SH3YL1: variants seen among roughly 807,000 people sequenced by gnomAD.
SH3YL1 encodes the protein SH3 and SYLF domain containing 1, also known as SH3 domain-containing YSC84-like protein 1.
In SH3YL1, 41 loss-of-function variants were observed where a neutral mutation model predicts 45.8. That is an observed-to-expected ratio of 0.89 (90% CI 0.70 to 1.16). The LOEUF is 1.16. Ranked by LOEUF, SH3YL1 falls within the 50% of genes most tolerant of loss-of-function variation. The probability of loss-of-function intolerance (pLI) is 0.00; values close to 1 mark genes in which losing one functional copy is unlikely to be tolerated. For missense variants in SH3YL1, 389 were observed against 409.6 expected (o/e 0.95, Z 0.43); for synonymous variants, 152 against 151.4 (o/e 1.00, Z -0.03).
At chr2:245,782 A>G (rs1668771334) in intron 4 of SH3YL1, among the ~76,000 whole-genome samples, 1 of 152,322 alleles carries the variant, frequency 6.6e-6, no homozygotes, top group Non-Finnish European at 1.5e-5. Flanking sequence ...TTATTTTGTC[A>G]AAAATATGAA....
intron 6 of SH3YL1, among the ~76,000 whole-genome samples, chr2:231,644 T>C (rs958434827): frequency 1.3e-5 from 2 of 152,238 alleles, no homozygotes; most frequent in Non-Finnish European, 2.9e-5. Flanking sequence ...AAATAAACAT[T>C]TGCCTTACAT....
intron 9 of SH3YL1, among the ~76,000 whole-genome samples, chr2:223,867 G>A (rs1667683437): frequency 6.6e-6 from 1 of 152,170 alleles, no homozygotes; most frequent in Non-Finnish European, 1.5e-5. Context: ...AAACATCTGG[G>A]AAAAACACTG....
upstream of SH3YL1, chr2:264,348 C>T (rs535204887): frequency 2.2e-3 from 581 of 266,912 alleles, 4 homozygotes; most frequent in African/African-American, 0.012. Context: ...CCGCGTGACC[C>T]GCCCAGCCCC....
chr2:249,844 G>C lies in SH3YL1; in HGVS notation c.113C>G (p.Ala38Gly). ...SRNGPDKIIP[A>G]HVIAKAKGLA... ...GCCTTTAGCCTTCGCAATTACGTGA[G>C]CTGTTAACGTGGAAAACAATGGGAA... The change falls in exon 3 of 10, where the codon GCT (alanine) becomes GGT (glycine). Residue 38 changes from alanine (A) to glycine (G), a missense_variant and splice_region_variant. By Grantham distance (60) the Ala-to-Gly change is moderately conservative. Transcript: ENST00000356150. 6.5e-7 allele frequency: 1 copy of C among 1,548,040 alleles called. No homozygotes were observed. Among genetic ancestry groups the C allele is most frequent in the Non-Finnish European group, 8.7e-7 (1 of 1,143,304 alleles).
intron 4 of SH3YL1, chr2:242,815 A>G: frequency 6.5e-7 from 1 of 1,534,870 alleles, no homozygotes; most frequent in Non-Finnish European, 8.8e-7. Flanking sequence ...TTGACAGTAA[A>G]AGGATGGAGA....
At chr2:256,626 G>C (rs1315534201) in intron 1 of SH3YL1, 1 of 152,240 alleles carries the variant, frequency 6.6e-6, no homozygotes, top group Non-Finnish European at 1.5e-5. Flanking sequence ...CTGGAAGGTG[G>C]AGGTTGCAGT....
chr2:222,032 T>C (rs973636939), intron 9 of SH3YL1, among the ~76,000 whole-genome samples: 6 of 152,304 alleles, frequency 3.9e-5, no homozygotes, highest in African/African-American at 1.4e-4. Flanking sequence ...AAAACCTTCC[T>C]GGTTACCGGG....
chr2:235,237 C>A (rs1424424367), intron 4 of SH3YL1, among the ~76,000 whole-genome samples: 3 of 152,270 alleles, frequency 2.0e-5, no homozygotes, highest in Non-Finnish European at 4.4e-5. Flanking sequence ...ATGCTCAAGG[C>A]AGGTCAACAC....
At chr2:263,154 TAGG>T (rs1669659095) in intron 1 of SH3YL1, 1 of 155,474 alleles carries the variant, frequency 6.4e-6, no homozygotes, top group Non-Finnish European at 1.4e-5. Context: ...TAAAAACACC[TAGG>T]AGAACAAGAA....
rs190627055 is a variant in SH3YL1 at position 256,841 on chromosome 2, A to G, written c.2-3726T>C. Among the ~76,000 whole-genome samples, 342 of 152,334 alleles carry G rather than the reference A, an allele frequency of 2.2e-3. 8 individuals are homozygous for G. Among genetic ancestry groups the G allele is most frequent in the Admixed American group, 0.019 (297 of 15,306 alleles). ...TGATTACACATTTCAGGCTTCCACC[A>G]GAAACTTTTATAAGAGTTCTGGTTA... On this transcript the variant is annotated intron_variant, in intron 1 of 9. Coordinates refer to ENST00000356150, the MANE Select transcript of SH3YL1 (RefSeq NM_015677.4).
At chr2:242,812 T>C in intron 4 of SH3YL1, 1 of 1,534,686 alleles carries the variant, frequency 6.5e-7, no homozygotes, top group African/African-American at 1.4e-5. Context: ...AGATTGACAG[T>C]AAAAGGATGG....
chr2:256,961 GTT>G (rs1669360167), intron 1 of SH3YL1, among the ~76,000 whole-genome samples: 1 of 152,078 alleles, frequency 6.6e-6, no homozygotes, highest in Non-Finnish European at 1.5e-5. Flanking sequence ...TTTAATTTTC[GTT>G]TCTCAGATGA....
intron 4 of SH3YL1, among the ~76,000 whole-genome samples, chr2:239,283 A>C (rs1668441172): frequency 6.6e-6 from 1 of 152,254 alleles, no homozygotes; most frequent in Admixed American, 6.5e-5. Flanking sequence ...CTAATAGGTT[A>C]GCATCTCCCC....
At chr2:250,951 CTG>C (rs1197506237) in intron 2 of SH3YL1, among the ~76,000 whole-genome samples, 5 of 152,134 alleles carry the variant, frequency 3.3e-5, no homozygotes, top group Non-Finnish European at 7.4e-5. Flanking sequence ...AGATTGAAAG[CTG>C]TATTATATGT....
chr2:227,599 T>TAAA (rs1454579452), intron 8 of SH3YL1, among the ~76,000 whole-genome samples: 6 of 152,258 alleles, frequency 3.9e-5, no homozygotes, highest in Admixed American at 2.6e-4. Flanking sequence ...GAAGATATAG[T>TAAA]AAAGCACGTA....
intron 4 of SH3YL1, chr2:242,648 A>T (rs1558244202): frequency 4.6e-6 from 5 of 1,085,782 alleles, no homozygotes; most frequent in Non-Finnish European, 6.0e-6. Context: ...ATATAAATCC[A>T]ATGATATCAA....
chr2:242,219 T>C (rs1668575081), intron 4 of SH3YL1: 1 of 151,796 alleles, frequency 6.6e-6, no homozygotes, highest in Admixed American at 6.6e-5. Flanking sequence ...AAATGGGAAA[T>C]AAAAAAGGTT....
chr2:219,684 C>A (rs770842765), intron 9 of SH3YL1, among the ~76,000 whole-genome samples: 6 of 152,158 alleles, frequency 3.9e-5, no homozygotes, highest in Non-Finnish European at 8.8e-5. Flanking sequence ...TGGAGAAAGG[C>A]AGATATGTGA....
chr2:262,609 G>A, intron 1 of SH3YL1: 2 of 1,304,196 alleles, frequency 1.5e-6, no homozygotes, highest in Non-Finnish European at 2.0e-6. Context: ...AGAGAATTTT[G>A]TCTTATCATG....
Sources: allele counts gnomAD v4.1 joint callset (sites outside exome capture counted in the v4.1 genomes callset), GRCh38; gene constraint gnomAD v4.1.1; transcripts MANE v1.5; gene names NCBI Gene and HGNC (gene_info 2026-07-23, HGNC 2026-07-21).